PCDH7: variants seen among roughly 807,000 people sequenced by gnomAD.
The protein encoded by PCDH7 is protocadherin-7.
PCDH7 carries 17 observed loss-of-function variants against 58.9 expected under a neutral mutation model. That is an observed-to-expected ratio of 0.29 (90% CI 0.20 to 0.43). The LOEUF (loss-of-function observed/expected upper bound fraction) is 0.43, where lower values mean the gene tolerates loss of function less well. Among genes scored for constraint, PCDH7 ranks in the 20% least tolerant of loss-of-function variants. The pLI is 1.00. For missense variants in PCDH7, 1,274 were observed against 1,441.0 expected, an observed-to-expected ratio of 0.88 and a Z score of 1.88; for synonymous variants, 664 against 616.4, an observed-to-expected ratio of 1.08 and a Z score of -1.14.
chr4:30,865,466 G>A lies in PCDH7; in HGVS notation c.71-54687G>A, dbSNP rs146367959. ...TTCAGGAGAAGCTAGACTATAGTCT[G>A]GAAGGCTGTTCACTGAATCTCATGT... On this transcript the variant is annotated intron_variant, in intron 1 of 3. Coordinates refer to the PCDH7 transcript ENST00000509759. 6.1e-3 allele frequency among the ~76,000 whole-genome samples: 933 copies of A among 152,096 alleles called. 6 individuals carry two copies. The highest frequency in any genetic ancestry group is 0.01 in the Middle Eastern group (3 of 292).
chr4:30,846,346 A>T (rs1443229016), intron 1 of PCDH7, among the ~76,000 whole-genome samples: 1 of 152,124 alleles, frequency 6.6e-6, no homozygotes, highest in African/African-American at 2.4e-5. Context: ...TTCTGATAAA[A>T]GGATGAATCT....
At chr4:31,033,584 A>G (rs1755137789) in intron 3 of PCDH7, among the ~76,000 whole-genome samples, 1 of 152,198 alleles carries the variant, frequency 6.6e-6, no homozygotes, top group South Asian at 2.1e-4. Context: ...ACTTCACGAT[A>G]TAAAAACAAG....
intron 1 of PCDH7, among the ~76,000 whole-genome samples, chr4:30,832,786 C>T (rs560884721): frequency 6.6e-6 from 1 of 152,268 alleles, no homozygotes; most frequent in Admixed American, 6.5e-5. Flanking sequence ...AGTTCCTCTC[C>T]TCCAGGCAGT....
At chr4:30,878,803 T>C (rs1439727100) in intron 1 of PCDH7, among the ~76,000 whole-genome samples, 3 of 152,094 alleles carry the variant, frequency 2.0e-5, no homozygotes, top group Non-Finnish European at 4.4e-5. Context: ...TGAGCTGAGA[T>C]TGTGCCATTG....
chr4:30,735,034 T>A (rs1338188481), downstream of PCDH7, among the ~76,000 whole-genome samples: 1 of 151,972 alleles, frequency 6.6e-6, no homozygotes, highest in Admixed American at 6.6e-5. Context: ...TCCTTGGTGG[T>A]GTAAGCACGG....
At chr4:31,063,179 T>C (rs1757822815) in intron 3 of PCDH7, among the ~76,000 whole-genome samples, 1 of 151,910 alleles carries the variant, frequency 6.6e-6, no homozygotes, top group South Asian at 2.1e-4. Context: ...ATCAGTTAAC[T>C]CACTCATTCA....
At chr4:30,763,057 A>C (rs1251911503) in intron 1 of PCDH7, among the ~76,000 whole-genome samples, 1 of 152,174 alleles carries the variant, frequency 6.6e-6, no homozygotes, top group Non-Finnish European at 1.5e-5. Flanking sequence ...AGCCTGGCCA[A>C]CATGGTGAAA....
intron 1 of PCDH7, among the ~76,000 whole-genome samples, chr4:30,758,759 C>A (rs963222886): frequency 1.3e-5 from 2 of 151,976 alleles, no homozygotes; most frequent in Non-Finnish European, 2.9e-5. Flanking sequence ...GTGGATTGCT[C>A]ATTGCTTTTT....
intron 1 of PCDH7, among the ~76,000 whole-genome samples, chr4:30,852,663 T>C (rs1732909001): frequency 6.6e-6 from 1 of 151,744 alleles, no homozygotes; most frequent in South Asian, 2.1e-4. Flanking sequence ...ACTTTGCACA[T>C]GAGCCTCTTA....
intron 3 of PCDH7, among the ~76,000 whole-genome samples, chr4:31,024,741 C>CTTTTTA (rs1305246941): frequency 6.6e-6 from 1 of 151,842 alleles, no homozygotes; most frequent in East Asian, 1.9e-4. Context: ...TTTTCTGTGA[C>CTTTTTA]TTTTTATTTT....
intron 3 of PCDH7, among the ~76,000 whole-genome samples, chr4:31,092,977 G>A (rs1435627321): frequency 6.6e-6 from 1 of 151,962 alleles, no homozygotes; most frequent in African/African-American, 2.4e-5. Context: ...TTGTATCTGT[G>A]AATGACCATT....
intron 1 of PCDH7, among the ~76,000 whole-genome samples, chr4:30,756,803 T>C (rs549407428): frequency 1.3e-5 from 2 of 152,328 alleles, no homozygotes; most frequent in South Asian, 4.1e-4. Context: ...CACCATAAAA[T>C]GGAGTCTTCC....
At chr4:30,876,695 T>G (rs1736331508) in intron 1 of PCDH7, among the ~76,000 whole-genome samples, 1 of 152,046 alleles carries the variant, frequency 6.6e-6, no homozygotes, top group Non-Finnish European at 1.5e-5. Context: ...GGTGGAGATG[T>G]GAGTCATTTA....
At chr4:30,785,740 T>C (rs1001163835) in intron 1 of PCDH7, among the ~76,000 whole-genome samples, 1 of 152,060 alleles carries the variant, frequency 6.6e-6, no homozygotes, top group African/African-American at 2.4e-5. Flanking sequence ...ACTTTGACTC[T>C]AGTGTGCTGA....
At chr4:30,792,673 A>C (rs1005690819) in intron 1 of PCDH7, among the ~76,000 whole-genome samples, 4 of 152,090 alleles carry the variant, frequency 2.6e-5, no homozygotes, top group African/African-American at 9.7e-5. Flanking sequence ...CTGTTTTCTA[A>C]TTGCTACTGC....
chr4:31,085,275 G>A (rs1712252905), intron 3 of PCDH7, among the ~76,000 whole-genome samples: 1 of 151,974 alleles, frequency 6.6e-6, no homozygotes, highest in Admixed American at 6.6e-5. Context: ...GGGGCCAGCT[G>A]GTCCATCAAG....
intron 3 of PCDH7, among the ~76,000 whole-genome samples, chr4:30,972,762 C>T (rs1412977142): frequency 2.0e-4 from 31 of 152,194 alleles, no homozygotes; most frequent in Admixed American, 2.0e-3. Context: ...AATTTAGGCA[C>T]AATCACGCCT....
At chr4:31,095,372 C>T (rs73218828) in intron 3 of PCDH7, among the ~76,000 whole-genome samples, 2 of 152,036 alleles carry the variant, frequency 1.3e-5, no homozygotes, top group African/African-American at 2.4e-5. Flanking sequence ...TACCTGCAAG[C>T]GTTTTTATAG....
chr4:31,112,608 G>A (rs1440669717), intron 3 of PCDH7, among the ~76,000 whole-genome samples: 1 of 152,084 alleles, frequency 6.6e-6, no homozygotes, highest in Non-Finnish European at 1.5e-5. Flanking sequence ...AAGAAGCAAA[G>A]CCTCTCTGTT....
Sources: allele counts gnomAD v4.1 joint callset (sites outside exome capture counted in the v4.1 genomes callset), GRCh38; gene constraint gnomAD v4.1.1; transcripts MANE v1.5; gene names NCBI Gene and HGNC (gene_info 2026-07-23, HGNC 2026-07-21).